LRRC3C: variants seen among roughly 807,000 people sequenced by gnomAD.
The protein encoded by LRRC3C is leucine rich repeat containing 3C.
Under a neutral mutation model 14.8 loss-of-function variants are expected in LRRC3C, and 11 were observed. The observed-to-expected ratio is 0.74, with a 90% CI of 0.47 to 1.23. The LOEUF (loss-of-function observed/expected upper bound fraction) is 1.23, where lower values mean the gene tolerates loss of function less well. LRRC3C is among the 50% of genes most tolerant of loss of function. LRRC3C has a pLI of 0.00. For missense variants in LRRC3C, 354 were observed against 361.8 expected (o/e 0.98, Z 0.18); for synonymous variants, 149 against 161.5 (o/e 0.92, Z 0.59).
intron 1 of LRRC3C, 171 bp downstream of exon 1, chr17:39,927,985 A>G: frequency 8.5e-6 from 5 of 588,888 alleles, no homozygotes; most frequent in Non-Finnish European, 1.1e-5. Context: ...GGATTTTTCC[A>G]CTGCACCTGG....
chr17:39,939,040 A>T (rs1978873734), intron 2 of LRRC3C, among the ~76,000 whole-genome samples: 1 of 151,320 alleles, frequency 6.6e-6, no homozygotes, highest in Admixed American at 6.6e-5. Flanking sequence ...AAAAAAAGGT[A>T]GGGAGAGGAG....
intron 2 of LRRC3C, among the ~76,000 whole-genome samples, chr17:39,941,045 G>A (rs1187195160): frequency 6.6e-6 from 1 of 151,620 alleles, no homozygotes; most frequent in African/African-American, 2.4e-5. Flanking sequence ...TACCTGGCAA[G>A]GCCTTGAAAT....
At position 39,938,098 on chromosome 17, in the gene LRRC3C, C is replaced by T. The variant is rs545425392; in HGVS notation, c.-82+2204C>T. Among the ~76,000 whole-genome samples, 3 of 152,178 alleles carry T rather than the reference C, an allele frequency of 2.0e-5. No individual in the cohort carries two copies. In the South Asian group the frequency reaches 6.2e-4, roughly 31 times the overall value. On this transcript the variant is annotated intron_variant, in intron 2 of 3. Transcript: ENST00000377924. ...TGTGAGCCGAGATGGTGCCACTGCA[C>T]TCCAGCCTGGGCGACAGAGTGAGAC...
chr17:39,943,798 G>C, intron 3 of LRRC3C, 135 bp from the exon 4 acceptor site: 1 of 761,498 alleles, frequency 1.3e-6, no homozygotes, highest in Middle Eastern at 2.6e-4. Flanking sequence ...AGTCACCCAG[G>C]CTTGAGAGAA....
At chr17:39,933,448 C>T (rs1382918628) in intron 1 of LRRC3C, among the ~76,000 whole-genome samples, 1 of 152,090 alleles carries the variant, frequency 6.6e-6, no homozygotes. Context: ...AGAAACAGTG[C>T]CTCGAGCTGG....
chr17:39,929,538 A>C (rs4795404), intron 1 of LRRC3C: 115,059 of 152,090 alleles, frequency 0.76, 43,691 homozygotes, highest in Middle Eastern at 0.82. Flanking sequence ...TCAGCTGTGA[A>C]TAGCCCTAAG....
In LRRC3C at chr17:39,944,704, G is replaced by A; in HGVS notation, c.798G>A (p.Glu266=). The A allele has an allele frequency of 1.3e-6, 2 of 1,535,968 alleles. No homozygotes were observed. The highest frequency in any genetic ancestry group is 4.9e-5 in the East Asian group (2 of 40,910). Residue 266 remains glutamate (E), a synonymous_variant, in exon 4 of 4, where the codon GAG becomes GAA. Coordinates refer to ENST00000377924, the MANE Select transcript of LRRC3C (RefSeq NM_001195545.2). The part of the protein sequence containing the change: ...KRAPVLPVRS[E]DSSILSTVV ...CCCCAGTGCTGCCCGTGCGTTCCGA[G>A]GACTCCTCCATCCTCAGCACAGTGG...
chr17:39,934,729 G>C (rs367570582), intron 1 of LRRC3C: 2 of 152,208 alleles, frequency 1.3e-5, no homozygotes, highest in East Asian at 1.9e-4. Flanking sequence ...TTCAGGGTGA[G>C]TCCACAGTGC....
At position 39,944,277 on chromosome 17, in the gene LRRC3C, A is replaced by G; in HGVS notation, c.371A>G (p.Gln124Arg). ...GCCCACCTCTCAGGGGCGGCTTTCC[A>G]GGGCCTGGAGGGCACATTGCGCCAC... ...ALAHLSGAAF[Q>R]GLEGTLRHLD... is the part of the protein sequence containing the mutation. The change falls in exon 4 of 4, where the codon CAG becomes CGG. Residue 124 changes from glutamine to arginine, a missense_variant. Transcript: ENST00000377924. The G allele has an allele frequency of 1.3e-6, 2 of 1,534,802 alleles. No homozygotes were observed. Among genetic ancestry groups the G allele is most frequent in the Non-Finnish European group, 1.7e-6 (2 of 1,146,320 alleles).
At chr17:39,935,975 A>C in intron 2 of LRRC3C, 81 bp downstream of exon 2, 25 of 795,968 alleles carry the variant, frequency 3.1e-5, no homozygotes, top group South Asian at 5.7e-5. Flanking sequence ...TTATCCCCCC[A>C]TCCAGGCTGG....
intron 2 of LRRC3C, among the ~76,000 whole-genome samples, chr17:39,940,325 C>T (rs1978903647): frequency 1.3e-5 from 2 of 152,196 alleles, no homozygotes; most frequent in Non-Finnish European, 2.9e-5. Context: ...ATGCGGCTGA[C>T]GAGGTCCCAC....
At chr17:39,928,778 C>T (rs1322912703) in intron 1 of LRRC3C, among the ~76,000 whole-genome samples, 3 of 152,200 alleles carry the variant, frequency 2.0e-5, no homozygotes, top group East Asian at 1.9e-4. Context: ...AGGGAAACTG[C>T]GGAGCACTTT....
At chr17:39,940,623 T>C (rs1598294710) in intron 2 of LRRC3C, among the ~76,000 whole-genome samples, 1 of 151,976 alleles carries the variant, frequency 6.6e-6, no homozygotes, top group African/African-American at 2.4e-5. Flanking sequence ...AATTTTTTTT[T>C]TTTTTCTGGA....
Position 39,944,443 on chromosome 17 carries a change from G to T in LRRC3C, c.537G>T (p.Pro179=). ...QEVLRQVRLV[P]GTGTGIVCGS... The stretch of plus-strand genomic sequence containing the variant: ...TGCTCCGGCAGGTGAGGCTGGTGCC[G>T]GGCACTGGGACAGGCATCGTGTGTG... The change falls in exon 4 of 4, where the codon CCG becomes CCT. Residue 179 remains proline (P), a synonymous_variant. Coordinates refer to ENST00000377924, the MANE Select transcript of LRRC3C (RefSeq NM_001195545.2). The T allele has an allele frequency of 2.0e-6, 3 of 1,488,286 alleles. No individual in the cohort carries two copies. The highest frequency in any genetic ancestry group is 2.7e-6 in the Non-Finnish European group (3 of 1,121,096). The allele number at this position is 1,488,286 out of a possible 1,614,324, so 92.2% of individuals were successfully genotyped here. A position where few individuals can be genotyped will look rare whatever the true frequency, so the allele number is the denominator to read the frequency against.
At position 39,944,878 on chromosome 17, in the gene LRRC3C, C is replaced by A; in HGVS notation, c.*144C>A. The stretch of plus-strand genomic sequence containing the variant: ...TCCCTCCTTTATTCCCCCTAAATAC[C>A]TGTGCTGGTTCTCTCTCTCTCTCTC... On this transcript the variant is annotated 3_prime_UTR_variant, in exon 4 of 4. Transcript: ENST00000377924. 1.4e-6 allele frequency: 1 copy of A among 701,522 alleles called. No individual in the cohort carries two copies. The allele number at this position is 701,522 out of a possible 1,614,324, so 43.5% of individuals were successfully genotyped here. A position where few individuals can be genotyped will look rare whatever the true frequency, so the allele number is the denominator to read the frequency against.
chr17:39,933,687 G>C lies in LRRC3C; in HGVS notation c.-174-2115G>C, dbSNP rs1010566517. Among the ~76,000 whole-genome samples the C allele has an allele frequency of 7.9e-5, 12 of 152,040 alleles. No homozygotes were observed. In the South Asian group the frequency reaches 2.5e-3, roughly 32 times the overall value. On this transcript the variant is annotated intron_variant, in intron 1 of 3. Coordinates refer to ENST00000377924, the MANE Select transcript of LRRC3C (RefSeq NM_001195545.2). ...GGCGGAGCTTGCAGTGAGCCGAGAT[G>C]GCGCCACAGCACTCCAGCCTGGGCG... is the stretch of plus-strand genomic sequence containing the variant.
chr17:39,944,685 T>C lies in LRRC3C; in HGVS notation c.779T>C (p.Val260Ala). ...AGGCGCTCCCTCAAGCGGGCCCCAGTGCTGCCCGTGCGTTCCGAGGACTCC... is the reference window on the plus strand; with the variant it reads ...AGGCGCTCCCTCAAGCGGGCCCCAGCGCTGCCCGTGCGTTCCGAGGACTCC... ...ETRRSLKRAP[V>A]LPVRSEDSSI... Residue 260 changes from valine (V) to alanine (A), a missense_variant, in exon 4 of 4, where the codon GTG becomes GCG. By Grantham distance (64) the Val-to-Ala change is moderately conservative (BLOSUM62 0). Transcript: ENST00000377924. The C allele has an allele frequency of 6.5e-7, 1 of 1,535,918 alleles. No individual in the cohort carries two copies.
intron 3 of LRRC3C, among the ~76,000 whole-genome samples, chr17:39,941,844 C>G (rs1978950053): frequency 6.6e-6 from 1 of 152,146 alleles, no homozygotes; most frequent in Non-Finnish European, 1.5e-5. Context: ...TACCGGTCTG[C>G]AAACTAAGGA....
At chr17:39,934,075 G>A (rs375302807) in intron 1 of LRRC3C, among the ~76,000 whole-genome samples, 2 of 152,230 alleles carry the variant, frequency 1.3e-5, no homozygotes, top group South Asian at 2.1e-4. Flanking sequence ...ATCGCCAGCG[G>A]GCACTCTGTT....
Sources: allele counts gnomAD v4.1 joint callset (sites outside exome capture counted in the v4.1 genomes callset), GRCh38; gene constraint gnomAD v4.1.1; transcripts MANE v1.5; gene names NCBI Gene and HGNC (gene_info 2026-07-23, HGNC 2026-07-21).